Variants in CSMD1 observed in about 807,000 individuals in gnomAD.
CSMD1 encodes the protein CUB and Sushi multiple domains 1.
CSMD1 carries 213 observed loss-of-function variants against 417.5 expected under a neutral mutation model. The ratio of observed to expected loss-of-function variants is 0.51; its 90% CI spans 0.46 to 0.57. CSMD1 has a LOEUF of 0.57. Among genes scored for constraint, CSMD1 ranks in the 20% least tolerant of loss-of-function variants. The pLI, the probability that CSMD1 is intolerant of heterozygous loss-of-function variation, is 0.00. For synonymous variants in CSMD1, 2,862 were observed against 1,736.8 expected (o/e 1.65, Z -16.11); for missense variants, 6,923 against 4,529.7 (o/e 1.53, Z -15.17).
At chr8:3,421,544 C>T (rs1344346283) in intron 12 of CSMD1, among the ~76,000 whole-genome samples, 4 of 152,196 alleles carry the variant, frequency 2.6e-5, no homozygotes, top group Admixed American at 1.3e-4. Context: ...TTAGTAACAT[C>T]AGCCAATTCA....
chr8:4,195,407 C>G (rs754098043), intron 3 of CSMD1, among the ~76,000 whole-genome samples: 20 of 152,026 alleles, frequency 1.3e-4, no homozygotes, highest in Non-Finnish European at 1.6e-4. Flanking sequence ...TCTGTTTGAC[C>G]CACCGATGCA....
chr8:4,272,846 T>C (rs1342949691), intron 3 of CSMD1, among the ~76,000 whole-genome samples: 2 of 152,180 alleles, frequency 1.3e-5, no homozygotes, highest in African/African-American at 4.8e-5. Flanking sequence ...GATGAATAAG[T>C]CTCGACACAC....
chr8:3,282,152 G>A (rs542030177), intron 26 of CSMD1, among the ~76,000 whole-genome samples: 3 of 152,076 alleles, frequency 2.0e-5, no homozygotes, highest in African/African-American at 4.8e-5. Flanking sequence ...TATGAAGATG[G>A]AATAATATAC....
rs558368224 is a variant in CSMD1 at position 4,854,756 on chromosome 8, G to A, written c.85+139576C>T. ...GATTCTATCCCACACCTGGCTCGGA[G>A]GGTCCTACACCCACAGAGTCTCGCT... is the stretch of plus-strand genomic sequence containing the variant. On this transcript the variant is annotated intron_variant, in intron 1 of 69. Transcript: ENST00000635120. 2.1e-3 allele frequency among the ~76,000 whole-genome samples: 325 copies of A among 152,320 alleles called. 3 individuals carry two copies. The highest frequency in any genetic ancestry group is 7.3e-3 in the African/African-American group (304 of 41,582).
At chr8:3,974,511 A>G (rs1204390737) in intron 5 of CSMD1, among the ~76,000 whole-genome samples, 4 of 152,110 alleles carry the variant, frequency 2.6e-5, no homozygotes. Context: ...TTTTAAAAAT[A>G]AAATCTTTCA....
rs1278021170 is a variant in CSMD1 at position 4,788,175 on chromosome 8, G to A, written c.86-150617C>T. 7.5e-6 allele frequency: 12 copies of A among 1,596,136 alleles called. No individual in the cohort carries two copies. The South Asian group carries it at 9.0e-5, about 12-fold the overall frequency. Reference sequence around the variant, plus strand: ...CTGTGAAAAAATCAAGAAGGCCTGTGGAAATTTTGGCATTCCATGTGAACT... The same window carrying A: ...CTGTGAAAAAATCAAGAAGGCCTGTAGAAATTTTGGCATTCCATGTGAACT... On this transcript the variant is annotated intron_variant, in intron 1 of 69. Transcript: ENST00000635120.
intron 1 of CSMD1, among the ~76,000 whole-genome samples, chr8:4,756,504 T>G (rs895096976): frequency 2.0e-5 from 3 of 152,224 alleles, no homozygotes; most frequent in Non-Finnish European, 4.4e-5. Flanking sequence ...AATATTTGTT[T>G]TAACCCCATG....
chr8:3,854,466 C>T (rs1389742480), intron 5 of CSMD1, among the ~76,000 whole-genome samples: 2 of 152,088 alleles, frequency 1.3e-5, no homozygotes, highest in African/African-American at 2.4e-5. Context: ...TTACTTGGCA[C>T]ACGTTATAGC....
chr8:3,506,174 G>A (rs1796818322), intron 10 of CSMD1, among the ~76,000 whole-genome samples: 1 of 152,132 alleles, frequency 6.6e-6, no homozygotes. Context: ...GAAACTCAAG[G>A]ACTCTGAACA....
chr8:3,538,923 C>T (rs775851045), intron 10 of CSMD1, among the ~76,000 whole-genome samples: 37 of 152,184 alleles, frequency 2.4e-4, no homozygotes, highest in African/African-American at 8.4e-4. Flanking sequence ...CACACAGCCG[C>T]CAGAGCAACG....
At chr8:4,780,651 T>C (rs28710401) in intron 1 of CSMD1, among the ~76,000 whole-genome samples, 3,916 of 152,242 alleles carry the variant, frequency 0.026, 178 homozygotes, top group African/African-American at 0.09. Flanking sequence ...ATTTGTGAGA[T>C]CCTGGTGCAC....
chr8:3,780,140 CG>C (rs1563072398), intron 5 of CSMD1, among the ~76,000 whole-genome samples: 2 of 152,162 alleles, frequency 1.3e-5, no homozygotes, highest in African/African-American at 4.8e-5. Flanking sequence ...CCTGTGCCAT[CG>C]GGGTGAAACA....
At chr8:4,089,775 G>A (rs1048917041) in intron 3 of CSMD1, among the ~76,000 whole-genome samples, 10 of 152,044 alleles carry the variant, frequency 6.6e-5, no homozygotes, top group African/African-American at 2.4e-4. Context: ...TTTTTGTTAT[G>A]GGCAATAATG....
chr8:4,405,734 T>C (rs943691816), intron 3 of CSMD1, among the ~76,000 whole-genome samples: 15 of 152,338 alleles, frequency 9.8e-5, no homozygotes, highest in African/African-American at 3.1e-4. Flanking sequence ...TCTTTGAAGT[T>C]AGTGCACCAC....
intron 7 of CSMD1, among the ~76,000 whole-genome samples, chr8:3,638,546 C>T (rs993462290): frequency 2.0e-5 from 3 of 152,182 alleles, no homozygotes; most frequent in Non-Finnish European, 1.5e-5. Flanking sequence ...GCAGAGATTA[C>T]AGAGGGGATG....
intron 6 of CSMD1, among the ~76,000 whole-genome samples, chr8:3,715,834 C>T (rs371491881): frequency 2.1e-3 from 320 of 152,272 alleles, no homozygotes; most frequent in African/African-American, 7.5e-3. Context: ...TGAGCCACAG[C>T]GCCCGGCCTG....
chr8:4,618,033 C>T (rs1003428185), intron 2 of CSMD1, among the ~76,000 whole-genome samples: 1 of 152,132 alleles, frequency 6.6e-6, no homozygotes, highest in African/African-American at 2.4e-5. Flanking sequence ...TTAGAGATCA[C>T]TTAGAATATG....
chr8:4,046,177 T>C (rs576888139), intron 3 of CSMD1, among the ~76,000 whole-genome samples: 49 of 152,278 alleles, frequency 3.2e-4, no homozygotes, highest in African/African-American at 1.1e-3. Flanking sequence ...ACAATTTATA[T>C]GTGTATGTGT....
chr8:3,994,209 C>T (rs1239907055), intron 5 of CSMD1, among the ~76,000 whole-genome samples: 1 of 151,968 alleles, frequency 6.6e-6, no homozygotes. Flanking sequence ...CTATCCTCTA[C>T]ACATTCCCTG....
Sources: gnomAD v4.1 joint callset for allele counts (sites outside exome capture counted in the v4.1 genomes callset) on GRCh38, gnomAD v4.1.1 for gene constraint, MANE v1.5 for transcripts, NCBI Gene and HGNC (gene_info 2026-07-23, HGNC 2026-07-21) for gene names.